Variants in KLRC4 observed in about 807,000 individuals in gnomAD.
KLRC4 encodes the protein killer cell lectin like receptor C4.
In KLRC4, 6 loss-of-function variants were observed where a neutral mutation model predicts 14.3. That is an observed-to-expected ratio of 0.42 (90% CI 0.23 to 0.83). The LOEUF (loss-of-function observed/expected upper bound fraction) is 0.83, where lower values mean the gene tolerates loss of function less well. Among genes scored for constraint, KLRC4 ranks in the 40% least tolerant of loss-of-function variants. The probability of loss-of-function intolerance (pLI) is 0.29; values close to 1 mark genes in which losing one functional copy is unlikely to be tolerated. For synonymous variants in KLRC4, 53 were observed against 60.5 expected (o/e 0.88, Z 0.57); for missense variants, 158 against 179.4 (o/e 0.88, Z 0.68).
At chr12:10,409,087 G>A (rs1414384633) in intron 1 of KLRC4, 77 bp from the exon 2 acceptor site, 12 of 1,482,240 alleles carry the variant, frequency 8.1e-6, no homozygotes, top group East Asian at 2.3e-5. Flanking sequence ...GAGAACTCAC[G>A]TGCACAGGAA....
chr12:10,408,332 T>A lies in KLRC4; in HGVS notation c.337A>T (p.Lys113Ter). ...AACATTGACAATCATAATGTACCTT[T>A]CTGCATTCTTCTATTCAGGGAAAAA... ...NNFSLNRRMQ[K>*]ARHCGHCPEE... Residue 113 changes from lysine (K) to a stop codon, truncating the protein, a stop_gained, in exon 3 of 4, where the codon AAA becomes TAA. Coordinates refer to ENST00000309384, the MANE Select transcript of KLRC4 (RefSeq NM_013431.2). LOFTEE classifies it low-confidence loss of function (END_TRUNC). The A allele has an allele frequency of 6.7e-7, 1 of 1,488,804 alleles. No homozygotes were observed. The highest frequency in any genetic ancestry group is 9.3e-7 in the Non-Finnish European group (1 of 1,070,518). The allele number at this position is 1,488,804 out of a possible 1,614,324, so 92.2% of individuals were successfully genotyped here.
chr12:10,408,262 T>C, intron 3 of KLRC4, 67 bp downstream of exon 3: 1 of 914,618 alleles, frequency 1.1e-6, no homozygotes, highest in Non-Finnish European at 1.8e-6. Context: ...TTTATTATCA[T>C]TTTGCATCCC....
chr12:10,409,012 T>G lies in KLRC4; in HGVS notation c.188-2A>C, dbSNP rs1863543706. The G allele has an allele frequency of 6.2e-7, 1 of 1,613,580 alleles. No individual in the cohort carries two copies. The highest frequency in any genetic ancestry group is 8.5e-7 in the Non-Finnish European group (1 of 1,179,706). On this transcript the variant is annotated splice_acceptor_variant, in intron 1 of 3. Transcript: ENST00000309384. LOFTEE classifies it high-confidence loss of function. ...GCTTCTCTGGAGGTGGCAGTAAACC[T>G]GCAGGGAGAGAAAGAGGCACTGAGA...
Position 10,407,581 on chromosome 12 carries a change from TATG to T in KLRC4, c.*69_*71del. ...TAAACATATGGATGATTTCTACAAATATGATATTGACAGAAATAAGCTTTTAGT... is the reference window on the plus strand; with the variant it reads ...TAAACATATGGATGATTTCTACAAATATATTGACAGAAATAAGCTTTTAGT... On this transcript the variant is annotated 3_prime_UTR_variant, in exon 4 of 4. Coordinates refer to ENST00000309384, the MANE Select transcript of KLRC4 (RefSeq NM_013431.2). The T allele has an allele frequency of 6.5e-7, 1 of 1,533,798 alleles. No homozygotes were observed.
chr12:10,408,989 T>C lies in KLRC4; in HGVS notation c.209A>G (p.Lys70Arg), dbSNP rs1863543220. 1.9e-6 allele frequency: 3 copies of C among 1,613,634 alleles called. No homozygotes were observed. The African/African-American group carries it at 4.0e-5, about 22-fold the overall frequency. ...GATTCCTAGGACCTCAGCAGTGAGC[T>C]TCTCTGGAGGTGGCAGTAAACCTGC... The part of the protein sequence containing the change: ...HCKGLLPPPE[K>R]LTAEVLGIIC... The change falls in exon 2 of 4, where the codon AAG becomes AGG. Residue 70 changes from lysine to arginine, a missense_variant. Physicochemically the swap from Lys to Arg is conservative, Grantham distance 26 (BLOSUM62 2). Coordinates refer to ENST00000309384, the MANE Select transcript of KLRC4 (RefSeq NM_013431.2).
In KLRC4 at chr12:10,407,518, C is replaced by G. The variant is rs1476260017; in HGVS notation, c.*135G>C. The G allele has an allele frequency of 4.7e-6, 5 of 1,054,260 alleles. No individual in the cohort carries two copies. The highest frequency in any genetic ancestry group is 2.6e-5 in the Admixed American group (1 of 38,216). 65.3% of individuals were successfully genotyped at this position (1,054,260 alleles called of 1,614,324 possible). A position where few individuals can be genotyped will look rare whatever the true frequency, so the allele number is the denominator to read the frequency against. On this transcript the variant is annotated 3_prime_UTR_variant, in exon 4 of 4. Transcript: ENST00000309384. ...AAAATATTATGAAGTCAGTTGAATA[C>G]TACACAGACTTAAAAATATATGAAG... is the stretch of plus-strand genomic sequence containing the variant.
In KLRC4 at chr12:10,408,368, C is replaced by T. The variant is rs1863533395; in HGVS notation, c.301G>A (p.Glu101Lys). The T allele has an allele frequency of 6.8e-7, 1 of 1,469,778 alleles. No homozygotes were observed. The highest frequency in any genetic ancestry group is 9.5e-7 in the Non-Finnish European group (1 of 1,057,700). The allele number at this position is 1,469,778 out of a possible 1,614,324, so 91.0% of individuals were successfully genotyped here. A position where few individuals can be genotyped will look rare whatever the true frequency, so the allele number is the denominator to read the frequency against. The change falls in exon 3 of 4, where the codon GAG becomes AAG. Residue 101 changes from glutamate (E) to lysine (K), a missense_variant. By Grantham distance (56) the Glu-to-Lys change is moderately conservative. Transcript: ENST00000309384. ...CTATTCAGGGAAAAATTGTTCTGCT[C>T]CAGTACTCCAATACCTAGAAAAATT... is the stretch of plus-strand genomic sequence containing the variant. ...IVLIPCIGVL[E>K]QNNFSLNRRM... is the part of the protein sequence containing the mutation.
In KLRC4 at chr12:10,408,386, G is replaced by T; in HGVS notation, c.287-4C>A. The T allele has an allele frequency of 7.2e-7, 1 of 1,390,094 alleles. No homozygotes were observed. Among genetic ancestry groups the T allele is most frequent in the Non-Finnish European group, 1.0e-6 (1 of 997,028 alleles). The allele number at this position is 1,390,094 out of a possible 1,614,324, so 86.1% of individuals were successfully genotyped here. A position where few individuals can be genotyped will look rare whatever the true frequency, so the allele number is the denominator to read the frequency against. On this transcript the variant is annotated splice_polypyrimidine_tract_variant and splice_region_variant and intron_variant, in intron 2 of 3. Transcript: ENST00000309384. ...TTCTGCTCCAGTACTCCAATACCTA[G>T]AAAAATTAAAGTGATTCTTACAAAA...
In KLRC4 at chr12:10,407,654, T is replaced by C; in HGVS notation, c.476A>G (p.Ter159TrpextTer7). The change falls in exon 4 of 4, where the codon TAG (stop) becomes TGG (tryptophan). Residue 159 changes from the stop codon to tryptophan (W), a stop_lost. Coordinates refer to ENST00000309384, the MANE Select transcript of KLRC4 (RefSeq NM_013431.2). ...GTCTTACCATTTCTTCCTCATTATCTATAGAAAGCAGATCAGAGTTCTTCG... is the reference window on the plus strand; with the variant it reads ...GTCTTACCATTTCTTCCTCATTATCCATAGAAAGCAGATCAGAGTTCTTCG... ...VLRRTLICFL[*>W] The C allele has an allele frequency of 6.2e-7, 1 of 1,611,846 alleles. No individual in the cohort carries two copies. The highest frequency in any genetic ancestry group is 8.5e-7 in the Non-Finnish European group (1 of 1,179,282).
chr12:10,407,792 A>G lies in KLRC4; in HGVS notation c.341-3T>C, dbSNP rs1863520899. 2 of 1,599,128 alleles carry G rather than the reference A, an allele frequency of 1.3e-6. No individual in the cohort carries two copies. Among genetic ancestry groups the G allele is most frequent in the Admixed American group, 1.8e-5 (1 of 56,154 alleles). On this transcript the variant is annotated splice_polypyrimidine_tract_variant and splice_region_variant and intron_variant, in intron 3 of 3. Transcript: ENST00000309384. ...AGGACAATGGCCACAATGACGTGCTAAATAAAAATATGAATTACTATGCAA... is the reference window on the plus strand; with the variant it reads ...AGGACAATGGCCACAATGACGTGCTGAATAAAAATATGAATTACTATGCAA...
At chr12:10,407,825 T>C in intron 3 of KLRC4, 36 bp from the exon 4 acceptor site, 2 of 1,576,750 alleles carry the variant, frequency 1.3e-6, no homozygotes, top group African/African-American at 1.4e-5. Flanking sequence ...CAAAACAATA[T>C]GTTTACAAAT....
Position 10,407,625 on chromosome 12 carries a change from T to G in KLRC4, c.*28A>C. 1 of 1,608,156 alleles carries G rather than the reference T, an allele frequency of 6.2e-7. No homozygotes were observed. The highest frequency in any genetic ancestry group is 8.5e-7 in the Non-Finnish European group (1 of 1,177,846). The stretch of plus-strand genomic sequence containing the variant: ...AGCTTTTAGTAAAGTGTTGAAACAT[T>G]TACGTCTTACCATTTCTTCCTCATT... On this transcript the variant is annotated 3_prime_UTR_variant, in exon 4 of 4. Transcript: ENST00000309384.
At chr12:10,408,773 C>A in intron 2 of KLRC4, 139 bp downstream of exon 2, 1 of 1,054,308 alleles carries the variant, frequency 9.5e-7, no homozygotes, top group Non-Finnish European at 1.4e-6. Flanking sequence ...TTGAAAAGTT[C>A]AGAAGCAGCA....
rs978533524 is a variant in KLRC4 at position 10,407,537 on chromosome 12, T to C, written c.*116A>G. On this transcript the variant is annotated 3_prime_UTR_variant, in exon 4 of 4. Coordinates refer to ENST00000309384, the MANE Select transcript of KLRC4 (RefSeq NM_013431.2). Reference sequence around the variant, plus strand: ...TGAATACTACACAGACTTAAAAATATATGAAGTAAATATATGTATAAACAT... The same window carrying C: ...TGAATACTACACAGACTTAAAAATACATGAAGTAAATATATGTATAAACAT... 18 of 1,236,564 alleles carry C rather than the reference T, an allele frequency of 1.5e-5. 1 individual carries two copies. Among genetic ancestry groups the C allele is most frequent in the Admixed American group, 2.4e-5 (1 of 42,296 alleles). 76.6% of individuals were successfully genotyped at this position (1,236,564 alleles called of 1,614,324 possible).
At chr12:10,408,086 T>C (rs1048047936) in intron 3 of KLRC4, among the ~76,000 whole-genome samples, 2 of 152,256 alleles carry the variant, frequency 1.3e-5, no homozygotes, top group Middle Eastern at 3.4e-3. Flanking sequence ...TTATCTCTTA[T>C]CATCTTATAG....
At chr12:10,409,173 A>G (rs2460731) in intron 1 of KLRC4, among the ~76,000 whole-genome samples, 163 bp from the exon 2 acceptor site, 2,184 of 152,342 alleles carry the variant, frequency 0.014, 47 homozygotes, top group African/African-American at 0.05. Context: ...CCATTTCATT[A>G]TCAGTAAATA....
chr12:10,409,685 T>G lies in KLRC4; in HGVS notation c.-110A>C. On this transcript the variant is annotated 5_prime_UTR_variant, in exon 1 of 4. Transcript: ENST00000309384. ...CCTGGTATAGGCAAACTGCATGTGT[T>G]GGAGGCTGAGTAGTAATGTTCATTT... is the stretch of plus-strand genomic sequence containing the variant. The G allele has an allele frequency of 7.1e-7, 1 of 1,418,110 alleles. No individual in the cohort carries two copies. Among genetic ancestry groups the G allele is most frequent in the Non-Finnish European group, 9.4e-7 (1 of 1,058,966 alleles). 87.8% of individuals were successfully genotyped at this position (1,418,110 alleles called of 1,614,324 possible).
rs927508322 is a variant in KLRC4, at chr12:10,407,540, G to A, written c.*113C>T. Reference sequence around the variant, plus strand: ...ATACTACACAGACTTAAAAATATATGAAGTAAATATATGTATAAACATATG... The same window carrying A: ...ATACTACACAGACTTAAAAATATATAAAGTAAATATATGTATAAACATATG... On this transcript the variant is annotated 3_prime_UTR_variant, in exon 4 of 4. Transcript: ENST00000309384. The A allele has an allele frequency of 1.8e-5, 22 of 1,247,508 alleles. No homozygotes were observed. In the African/African-American group the frequency reaches 2.4e-4, roughly 14 times the overall value. 77.3% of individuals were successfully genotyped at this position (1,247,508 alleles called of 1,614,324 possible).
At position 10,409,604 on chromosome 12, in the gene KLRC4, T is replaced by C. The variant is rs569544187; in HGVS notation, c.-29A>G. On this transcript the variant is annotated 5_prime_UTR_variant, in exon 1 of 4. Coordinates refer to ENST00000309384, the MANE Select transcript of KLRC4 (RefSeq NM_013431.2). The stretch of plus-strand genomic sequence containing the variant: ...TGCAGCTGTGTGATGTCAGGGACTG[T>C]GCTCTATGATAACTGCACTTAAGAA... 1.0e-4 allele frequency: 164 copies of C among 1,590,004 alleles called. 1 individual carries two copies. The highest frequency in any genetic ancestry group is 8.4e-4 in the Middle Eastern group (5 of 5,942).
Sources: allele counts gnomAD v4.1 joint callset (sites outside exome capture counted in the v4.1 genomes callset), GRCh38; gene constraint gnomAD v4.1.1; transcripts MANE v1.5; gene names NCBI Gene and HGNC (gene_info 2026-07-23, HGNC 2026-07-21).